The following PODXL2 variants were observed in gnomAD, a reference collection of about 807,000 sequenced individuals.
PODXL2 encodes podocalyxin like 2, also known as podocalyxin-like protein 2.
PODXL2 carries 17 observed loss-of-function variants against 53.4 expected under a neutral mutation model. The ratio of observed to expected loss-of-function variants is 0.32; its 90% CI spans 0.22 to 0.48. PODXL2 has a LOEUF of 0.48. Ranked by LOEUF, PODXL2 falls within the 20% of genes least tolerant of loss-of-function variation. The pLI is 0.99. For missense variants in PODXL2, 673 were observed against 760.0 expected, an observed-to-expected ratio of 0.89 and a Z score of 1.35; for synonymous variants, 311 against 306.7, an observed-to-expected ratio of 1.01 and a Z score of -0.15.
rs2074815406 is a variant in PODXL2, at chr3:127,669,221, G to A, written c.1425+19G>A. The A allele has an allele frequency of 1.9e-6, 3 of 1,564,934 alleles. No homozygotes were observed. Among genetic ancestry groups the A allele is most frequent in the Admixed American group, 3.5e-5 (2 of 57,520 alleles). ...GGAGGAGGTAAGAGTGCAGGGACCT[G>A]GACCTGTTAGCTTCTAATATGCTCC... On this transcript the variant is annotated intron_variant, in intron 6 of 7. Transcript: ENST00000342480.
chr3:127,661,450 T>C (rs932339712), intron 3 of PODXL2, among the ~76,000 whole-genome samples: 42 of 151,850 alleles, frequency 2.8e-4, no homozygotes, highest in Admixed American at 9.8e-4. Flanking sequence ...TTTTTTTTTT[T>C]CCCGAGATGG....
chr3:127,632,506 C>T (rs2107702119), intron 1 of PODXL2, among the ~76,000 whole-genome samples: 1 of 152,354 alleles, frequency 6.6e-6, no homozygotes, highest in South Asian at 2.1e-4. Context: ...TCATGGCCCT[C>T]TCAAAGGCAG....
intron 4 of PODXL2, 75 bp downstream of exon 4, chr3:127,662,386 G>A: frequency 8.4e-7 from 1 of 1,188,746 alleles, no homozygotes; most frequent in Non-Finnish European, 1.2e-6. Flanking sequence ...AGGGCAGGCT[G>A]GGGGGACAAG....
rs1230852777 is a variant in PODXL2, at chr3:127,672,581, C to T, written c.*101C>T. On this transcript the variant is annotated 3_prime_UTR_variant, in exon 8 of 8. Coordinates refer to ENST00000342480, the MANE Select transcript of PODXL2 (RefSeq NM_015720.4). ...GCACCAGCCCCGCGCCTACCCGGGC[C>T]GCCCCCGCGGCCTGGCCCTCGGCGC... 6.5e-6 allele frequency: 5 copies of T among 764,356 alleles called. No individual in the cohort carries two copies. Among genetic ancestry groups the T allele is most frequent in the African/African-American group, 3.7e-5 (2 of 53,834 alleles). The allele number at this position is 764,356 out of a possible 1,614,324, so 47.3% of individuals were successfully genotyped here. A position where few individuals can be genotyped will look rare whatever the true frequency, so the allele number is the denominator to read the frequency against.
intron 3 of PODXL2, among the ~76,000 whole-genome samples, chr3:127,661,761 C>T (rs2074769159): frequency 6.6e-6 from 1 of 152,042 alleles, no homozygotes; most frequent in South Asian, 2.1e-4. Flanking sequence ...TGCACTGATT[C>T]TACCAGCAGC....
At chr3:127,667,239 T>C (rs758848955) in intron 4 of PODXL2, among the ~76,000 whole-genome samples, 6 of 152,238 alleles carry the variant, frequency 3.9e-5, no homozygotes, top group Non-Finnish European at 7.3e-5. Flanking sequence ...TCTGGTAGCC[T>C]TTAGGTTGGC....
Position 127,660,624 on chromosome 3 carries a change from C to T in PODXL2, c.596C>T (p.Ala199Val). The T allele has an allele frequency of 6.2e-7, 1 of 1,614,184 alleles. No individual in the cohort carries two copies. Among genetic ancestry groups the T allele is most frequent in the East Asian group, 2.2e-5 (1 of 44,880 alleles). Residue 199 changes from alanine (A) to valine (V), a missense_variant, in exon 3 of 8, where the codon GCC (alanine) becomes GTC (valine). By Grantham distance (64) the Ala-to-Val change is moderately conservative. This residue lies in a region of PODXL2 where 588 missense variants were observed against 668.3 expected (regional missense o/e 0.88). Transcript: ENST00000342480. ...LLPVNGSQEE[A>V]KPQVRDFSLT... ...CCTGTGAATGGATCCCAAGAAGAAGCCAAGCCTCAGGTCCGTGACTTTTCT... is the reference window on the plus strand; with the variant it reads ...CCTGTGAATGGATCCCAAGAAGAAGTCAAGCCTCAGGTCCGTGACTTTTCT...
At chr3:127,659,795 C>T (rs1170173000) in intron 2 of PODXL2, among the ~76,000 whole-genome samples, 1 of 152,216 alleles carries the variant, frequency 6.6e-6, no homozygotes, top group Admixed American at 6.5e-5. Flanking sequence ...CTGGGCTCAG[C>T]CCCTGGCCTC....
chr3:127,669,264 C>T, intron 6 of PODXL2, 62 bp downstream of exon 6: 2 of 1,184,794 alleles, frequency 1.7e-6, no homozygotes, highest in South Asian at 2.6e-5. Context: ...CTCTGTTCCT[C>T]AAAGTCCCAG....
rs1271078364 is a variant in PODXL2 at position 127,653,502 on chromosome 3, T to C, written c.350-6876T>C. On this transcript the variant is annotated intron_variant, in intron 2 of 7. Coordinates refer to ENST00000342480, the MANE Select transcript of PODXL2 (RefSeq NM_015720.4). Reference sequence around the variant, plus strand: ...TCTACTAAAAATACAAAAAATTAGCTGGGCGTGGTGGCGTGTGCCTATAGT... The same window carrying C: ...TCTACTAAAAATACAAAAAATTAGCCGGGCGTGGTGGCGTGTGCCTATAGT... 3.9e-5 allele frequency among the ~76,000 whole-genome samples: 6 copies of C among 152,176 alleles called. No individual in the cohort carries two copies. The East Asian group carries it at 1.2e-3, about 29-fold the overall frequency.
intron 2 of PODXL2, among the ~76,000 whole-genome samples, chr3:127,645,521 T>G (rs946018647): frequency 6.6e-6 from 1 of 152,240 alleles, no homozygotes; most frequent in Non-Finnish European, 1.5e-5. Context: ...CCGGGGCTCC[T>G]GACCGAGCAT....
chr3:127,637,397 T>A (rs778869490), intron 1 of PODXL2, among the ~76,000 whole-genome samples: 1 of 152,208 alleles, frequency 6.6e-6, no homozygotes, highest in Non-Finnish European at 1.5e-5. Flanking sequence ...GGCCATGAAC[T>A]TCACAGGTCT....
At position 127,639,480 on chromosome 3, in the gene PODXL2, G is replaced by A; in HGVS notation, c.306G>A (p.Glu102=). 2 of 1,614,192 alleles carry A rather than the reference G, an allele frequency of 1.2e-6. No individual in the cohort carries two copies. The highest frequency in any genetic ancestry group is 1.7e-6 in the Non-Finnish European group (2 of 1,180,002). ...LQPPQYFWEE[E]EELNDSSLDL... ...CACCACAGTACTTCTGGGAAGAGGAGGAAGAGCTGAATGACTCAAGTCTGG... is the reference window on the plus strand; with the variant it reads ...CACCACAGTACTTCTGGGAAGAGGAAGAAGAGCTGAATGACTCAAGTCTGG... Residue 102 remains glutamate, a synonymous_variant, in exon 2 of 8, where the codon GAG becomes GAA. Transcript: ENST00000342480.
At chr3:127,652,343 G>T (rs1445088993) in intron 2 of PODXL2, among the ~76,000 whole-genome samples, 1 of 152,184 alleles carries the variant, frequency 6.6e-6, no homozygotes, top group East Asian at 1.9e-4. Flanking sequence ...TCTGTTTAGA[G>T]CCACCAGGGG....
At chr3:127,667,091 T>C (rs533452720) in intron 4 of PODXL2, among the ~76,000 whole-genome samples, 21 of 152,392 alleles carry the variant, frequency 1.4e-4, no homozygotes, top group African/African-American at 5.0e-4. Flanking sequence ...ATCTGCTCTA[T>C]GGCCATCTCC....
chr3:127,639,279 T>G lies in PODXL2; in HGVS notation c.105T>G (p.Asp35Glu), dbSNP rs955076153. 6.2e-7 allele frequency: 1 copy of G among 1,611,928 alleles called. No individual in the cohort carries two copies. Among genetic ancestry groups the G allele is most frequent in the South Asian group, 1.1e-5 (1 of 90,876 alleles). ...AFLGACVAGS[D>E]EPGPEGLTST... The stretch of plus-strand genomic sequence containing the variant: ...TGGGTGCCTGTGTGGCTGGGTCTGA[T>G]GAGCCTGGCCCAGAGGGCCTCACCT... Residue 35 changes from aspartate (D) to glutamate (E), a missense_variant, in exon 2 of 8, where the codon GAT (aspartate) becomes GAG (glutamate). Coordinates refer to ENST00000342480, the MANE Select transcript of PODXL2 (RefSeq NM_015720.4).
intron 2 of PODXL2, among the ~76,000 whole-genome samples, chr3:127,646,619 C>T (rs1042926026): frequency 1.3e-5 from 2 of 152,162 alleles, no homozygotes; most frequent in African/African-American, 4.8e-5. Context: ...AACTCCTGAC[C>T]TCGTGATCTG....
intron 6 of PODXL2, among the ~76,000 whole-genome samples, chr3:127,671,134 C>G (rs1337111723): frequency 6.6e-6 from 1 of 152,204 alleles, no homozygotes; most frequent in Non-Finnish European, 1.5e-5. Flanking sequence ...TGGGTCCACT[C>G]TCACTGGAGG....
At chr3:127,649,986 CTGTTTTAGACATATTTATTTT>C (rs138931245) in intron 2 of PODXL2, among the ~76,000 whole-genome samples, 130 of 152,332 alleles carry the variant, frequency 8.5e-4, no homozygotes, top group African/African-American at 2.6e-3. Context: ...CCTTGCACCT[CTGTTTTAGACATATTTATTTT>C]TAATTTTGAG....
Sources: allele counts gnomAD v4.1 joint callset (sites outside exome capture counted in the v4.1 genomes callset), GRCh38; gene constraint gnomAD v4.1.1; regional missense constraint gnomAD v4.1.1; transcripts MANE v1.5; gene names NCBI Gene and HGNC (gene_info 2026-07-23, HGNC 2026-07-21).